Variants in EXOC4 observed in about 807,000 individuals in gnomAD.
EXOC4 encodes exocyst complex component 4, also known as SEC8-like 1.
A neutral mutation model predicts 107.2 loss-of-function variants in EXOC4; 71 were observed. The observed-to-expected ratio is 0.66, with a 90% confidence interval of 0.55 to 0.81. EXOC4 has a LOEUF of 0.81. Ranked by LOEUF, EXOC4 falls within the 30% of genes least tolerant of loss-of-function variation. The probability of loss-of-function intolerance (pLI) is 0.00; values close to 1 mark genes in which losing one functional copy is unlikely to be tolerated. For missense variants in EXOC4, 1,108 were observed against 1,189.6 expected, an observed-to-expected ratio of 0.93 and a Z score of 1.01; for synonymous variants, 456 against 441.2, an observed-to-expected ratio of 1.03 and a Z score of -0.42.
At chr7:133,623,643 A>G (rs917393986) in intron 9 of EXOC4, among the ~76,000 whole-genome samples, 2 of 152,030 alleles carry the variant, frequency 1.3e-5, no homozygotes, top group East Asian at 3.9e-4. Flanking sequence ...TGTTGCCTGG[A>G]TTTTCTTCCT....
At chr7:133,550,717 C>G (rs1474998370) in intron 9 of EXOC4, among the ~76,000 whole-genome samples, 1 of 152,130 alleles carries the variant, frequency 6.6e-6, no homozygotes, top group Non-Finnish European at 1.5e-5. Flanking sequence ...CCTAACTTCA[C>G]AAATGAGGGC....
intron 7 of EXOC4, among the ~76,000 whole-genome samples, chr7:133,411,251 T>G (rs1797348901): frequency 6.6e-6 from 1 of 152,218 alleles, no homozygotes; most frequent in South Asian, 2.1e-4. Context: ...ATTCTCACTT[T>G]TGTAAAAAAT....
intron 10 of EXOC4, among the ~76,000 whole-genome samples, chr7:133,702,023 C>T (rs187861008): frequency 0.013 from 1,279 of 95,328 alleles, 9 homozygotes; most frequent in Admixed American, 0.022. Context: ...TTTTTTGAGA[C>T]AGTATCTCCC....
At chr7:133,584,581 T>TTG (rs1801355458) in intron 9 of EXOC4, among the ~76,000 whole-genome samples, 2 of 136,318 alleles carry the variant, frequency 1.5e-5, no homozygotes, top group South Asian at 5.1e-4. Context: ...TCAGTTTTTT[T>TTG]TTTGTTTTTT....
chr7:133,395,157 T>C (rs1399966351), intron 7 of EXOC4, among the ~76,000 whole-genome samples: 2 of 150,664 alleles, frequency 1.3e-5, no homozygotes, highest in African/African-American at 4.9e-5. Flanking sequence ...TGATGAAAAA[T>C]CCATTTACTC....
intron 1 of EXOC4, chr7:133,253,398 C>T: frequency 7.6e-7 from 1 of 1,319,948 alleles, no homozygotes; most frequent in Non-Finnish European, 9.7e-7. Flanking sequence ...AGAGGAGCCC[C>T]GCCTCAGTCT....
At chr7:133,478,333 T>G (rs1799070126) in intron 8 of EXOC4, among the ~76,000 whole-genome samples, 1 of 151,744 alleles carries the variant, frequency 6.6e-6, no homozygotes, top group South Asian at 2.1e-4. Context: ...AAAGAAATTG[T>G]TGGAAATGAA....
intron 10 of EXOC4, among the ~76,000 whole-genome samples, chr7:133,724,148 C>T (rs1257201119): frequency 3.3e-5 from 5 of 152,136 alleles, no homozygotes; most frequent in Non-Finnish European, 7.3e-5. Context: ...TCAGACTAAT[C>T]AATGGTAAGT....
the EXOC4 span, among the ~76,000 whole-genome samples, chr7:134,088,218 C>T: frequency 6.6e-6 from 1 of 152,126 alleles, no homozygotes; most frequent in African/African-American, 2.4e-5. Context: ...TAAAGGAAAA[C>T]ACACCATTCC....
At chr7:133,480,532 T>C (rs980000849) in intron 9 of EXOC4, 2 of 777,992 alleles carry the variant, frequency 2.6e-6, no homozygotes, top group Non-Finnish European at 1.6e-6. Context: ...AAAGGGAAAA[T>C]GCAACCACTG....
chr7:133,582,754 C>A (rs896202350), intron 9 of EXOC4, among the ~76,000 whole-genome samples: 1 of 151,842 alleles, frequency 6.6e-6, no homozygotes. Flanking sequence ...AAATGGCAAC[C>A]GAAACAAATC....
intron 11 of EXOC4, among the ~76,000 whole-genome samples, chr7:133,836,555 C>A (rs1797922512): frequency 6.6e-6 from 1 of 152,160 alleles, no homozygotes; most frequent in Non-Finnish European, 1.5e-5. Flanking sequence ...TAAACCACCT[C>A]CTACTTAGGG....
At chr7:133,608,825 G>A (rs1055861194) in intron 9 of EXOC4, among the ~76,000 whole-genome samples, 2 of 152,006 alleles carry the variant, frequency 1.3e-5, no homozygotes, top group African/African-American at 4.8e-5. Flanking sequence ...GGGATTACAG[G>A]CATGAGCCAT....
At chr7:134,043,048 C>T (rs1795557725) in intron 17 of EXOC4, among the ~76,000 whole-genome samples, 1 of 152,126 alleles carries the variant, frequency 6.6e-6, no homozygotes, top group Non-Finnish European at 1.5e-5. Flanking sequence ...CTCAATCAGT[C>T]AATCAATCAA....
intron 10 of EXOC4, among the ~76,000 whole-genome samples, chr7:133,767,056 C>G (rs928751062): frequency 6.6e-6 from 1 of 151,878 alleles, no homozygotes; most frequent in Non-Finnish European, 1.5e-5. Flanking sequence ...CATAGCTGCT[C>G]CTTCTTTTTG....
At chr7:133,686,054 G>A (rs1433419027) in intron 10 of EXOC4, among the ~76,000 whole-genome samples, 1 of 151,796 alleles carries the variant, frequency 6.6e-6, no homozygotes, top group Non-Finnish European at 1.5e-5. Context: ...ATTCTTTTTC[G>A]TGGATTAATG....
chr7:134,045,548 T>C (rs1486156015), intron 17 of EXOC4, among the ~76,000 whole-genome samples: 1 of 152,232 alleles, frequency 6.6e-6, no homozygotes, highest in Non-Finnish European at 1.5e-5. Context: ...TGCGGACAGA[T>C]GTCTTCTGTA....
At chr7:133,845,586 C>T (rs1355225844) in intron 11 of EXOC4, among the ~76,000 whole-genome samples, 1 of 151,996 alleles carries the variant, frequency 6.6e-6, no homozygotes, top group Non-Finnish European at 1.5e-5. Context: ...TTCTCCCTGA[C>T]AGAAGCATTT....
intron 9 of EXOC4, among the ~76,000 whole-genome samples, chr7:133,540,967 G>T (rs1293799198): frequency 6.6e-6 from 1 of 151,332 alleles, no homozygotes; most frequent in Non-Finnish European, 1.5e-5. Flanking sequence ...TAACAATTTT[G>T]TTTTTTTTAA....
Sources: gnomAD v4.1 joint callset for allele counts (sites outside exome capture counted in the v4.1 genomes callset) on GRCh38, gnomAD v4.1.1 for gene constraint, MANE v1.5 for transcripts, NCBI Gene and HGNC (gene_info 2026-07-23, HGNC 2026-07-21) for gene names.